Variants in CACNA2D3 observed in about 807,000 individuals in gnomAD.
CACNA2D3 encodes voltage-dependent calcium channel subunit alpha-2/delta-3.
CACNA2D3 carries 60 observed loss-of-function variants against 160.6 expected under a neutral mutation model. The observed-to-expected ratio is 0.37, with a 90% CI of 0.30 to 0.46. CACNA2D3 has a LOEUF of 0.46. Among genes scored for constraint, CACNA2D3 ranks in the 20% least tolerant of loss-of-function variants. The pLI, the probability that CACNA2D3 is intolerant of heterozygous loss-of-function variation, is 1.00. For missense variants in CACNA2D3, 1,205 were observed against 1,365.0 expected (o/e 0.88, Z 1.85); for synonymous variants, 558 against 492.9 (o/e 1.13, Z -1.75).
intron 2 of CACNA2D3, among the ~76,000 whole-genome samples, chr3:54,253,071 A>T (rs942070773): frequency 1.3e-5 from 2 of 148,596 alleles, no homozygotes; most frequent in African/African-American, 4.9e-5. Context: ...GTCCTTTAAT[A>T]TTAAAGATTC....
chr3:54,803,192 G>A (rs905725137), intron 13 of CACNA2D3, among the ~76,000 whole-genome samples: 5 of 152,204 alleles, frequency 3.3e-5, no homozygotes, highest in Non-Finnish European at 5.9e-5. Flanking sequence ...CACCAGCAAC[G>A]GAACAAAGCT....
chr3:54,502,269 C>T (rs980584150), intron 4 of CACNA2D3, among the ~76,000 whole-genome samples: 5 of 152,286 alleles, frequency 3.3e-5, no homozygotes, highest in African/African-American at 4.8e-5. Flanking sequence ...ATATGTTACA[C>T]GTTTTGTGAT....
At chr3:54,275,133 A>C (rs1426903566) in intron 2 of CACNA2D3, among the ~76,000 whole-genome samples, 1 of 152,166 alleles carries the variant, frequency 6.6e-6, no homozygotes, top group Non-Finnish European at 1.5e-5. Context: ...TTATATGTCT[A>C]ATGAGATCGT....
At chr3:54,414,079 A>G (rs1054451526) in intron 4 of CACNA2D3, among the ~76,000 whole-genome samples, 2 of 151,962 alleles carry the variant, frequency 1.3e-5, no homozygotes, top group African/African-American at 2.4e-5. Context: ...AGTTTAAATC[A>G]ATTAAATTTA....
chr3:54,784,173 C>T (rs904314756), intron 13 of CACNA2D3, among the ~76,000 whole-genome samples: 4 of 152,156 alleles, frequency 2.6e-5, no homozygotes, highest in African/African-American at 9.7e-5. Flanking sequence ...GCTTCAAATA[C>T]TCAGTTGAAC....
chr3:54,258,317 G>A (rs1358360374), intron 2 of CACNA2D3, among the ~76,000 whole-genome samples: 2 of 152,178 alleles, frequency 1.3e-5, no homozygotes. Flanking sequence ...TGCCTGCTGT[G>A]TGTAAGCACT....
In CACNA2D3 at chr3:54,713,666, G is replaced by A. The variant is rs148977176; in HGVS notation, c.1168-38933G>A. Among the ~76,000 whole-genome samples, 855 of 152,304 alleles carry A rather than the reference G, an allele frequency of 5.6e-3. 15 individuals carry two copies. Among genetic ancestry groups the A allele is most frequent in the African/African-American group, 0.02 (818 of 41,566 alleles). Reference sequence around the variant, plus strand: ...AAAGTTCACACAACGTAAGTGCTTGGCACAAGGAGGGCCTGGCAGAAACTG... The same window carrying A: ...AAAGTTCACACAACGTAAGTGCTTGACACAAGGAGGGCCTGGCAGAAACTG... On this transcript the variant is annotated intron_variant, in intron 11 of 37. Transcript: ENST00000474759.
intron 17 of CACNA2D3, among the ~76,000 whole-genome samples, chr3:54,864,047 C>T (rs948164767): frequency 2.6e-5 from 4 of 152,036 alleles, no homozygotes; most frequent in South Asian, 2.1e-4. Context: ...ATGTCTATGT[C>T]GTCCCATTGG....
intron 2 of CACNA2D3, among the ~76,000 whole-genome samples, chr3:54,306,239 G>A (rs1703596953): frequency 6.6e-6 from 1 of 152,046 alleles, no homozygotes; most frequent in Admixed American, 6.5e-5. Flanking sequence ...AGGAAGATGT[G>A]GATGAATTGA....
intron 4 of CACNA2D3, among the ~76,000 whole-genome samples, chr3:54,403,394 C>CACAT (rs1400432871): frequency 3.3e-5 from 5 of 151,098 alleles, no homozygotes; most frequent in African/African-American, 1.2e-4. Context: ...CACACACACA[C>CACAT]ACACGCACAC....
chr3:54,970,237 A>G (rs1477218510), intron 29 of CACNA2D3, among the ~76,000 whole-genome samples: 3 of 152,176 alleles, frequency 2.0e-5, no homozygotes, highest in African/African-American at 7.2e-5. Flanking sequence ...CATCTTGCAG[A>G]TAAGAAAAAC....
At chr3:54,144,210 C>T (rs188088790) in intron 2 of CACNA2D3, among the ~76,000 whole-genome samples, 3 of 152,280 alleles carry the variant, frequency 2.0e-5, no homozygotes, top group East Asian at 1.9e-4. Context: ...CATCATTTTC[C>T]GAAATGATTT....
At chr3:54,742,468 C>T (rs1701672106) in intron 11 of CACNA2D3, among the ~76,000 whole-genome samples, 1 of 152,056 alleles carries the variant, frequency 6.6e-6, no homozygotes, top group African/African-American at 2.4e-5. Context: ...TACCCCAAGG[C>T]CTCACAGCTC....
intron 17 of CACNA2D3, among the ~76,000 whole-genome samples, chr3:54,853,587 A>G (rs948253460): frequency 6.6e-6 from 1 of 152,190 alleles, no homozygotes; most frequent in Admixed American, 6.5e-5. Flanking sequence ...TAATGGAGAC[A>G]TAGAAGCAGG....
At chr3:54,801,249 A>C (rs1702980082) in intron 13 of CACNA2D3, among the ~76,000 whole-genome samples, 1 of 152,104 alleles carries the variant, frequency 6.6e-6, no homozygotes, top group Non-Finnish European at 1.5e-5. Context: ...TGGCCTCCCA[A>C]AGTGCTGGGA....
intron 17 of CACNA2D3, among the ~76,000 whole-genome samples, chr3:54,870,746 C>G (rs1699506774): frequency 6.6e-6 from 1 of 152,144 alleles, no homozygotes; most frequent in East Asian, 1.9e-4. Flanking sequence ...GGCTATGATT[C>G]CCAATACCCT....
At chr3:54,700,730 CT>C (rs1329460530) in intron 11 of CACNA2D3, among the ~76,000 whole-genome samples, 1 of 152,144 alleles carries the variant, frequency 6.6e-6, no homozygotes, top group Non-Finnish European at 1.5e-5. Context: ...ATTTAGTTGA[CT>C]TTATCCTATG....
chr3:54,974,680 A>C (rs533909418), intron 29 of CACNA2D3, among the ~76,000 whole-genome samples: 2 of 152,208 alleles, frequency 1.3e-5, no homozygotes, highest in African/African-American at 2.4e-5. Context: ...TAAAACATCA[A>C]CTTCCCTCTG....
intron 11 of CACNA2D3, among the ~76,000 whole-genome samples, chr3:54,731,386 C>T (rs770727737): frequency 5.9e-5 from 9 of 152,162 alleles, no homozygotes; most frequent in Non-Finnish European, 1.3e-4. Context: ...TTCTTCAGAC[C>T]CTCATACATT....
Sources: allele counts gnomAD v4.1 joint callset (sites outside exome capture counted in the v4.1 genomes callset), GRCh38; gene constraint gnomAD v4.1.1; transcripts MANE v1.5; gene names NCBI Gene and HGNC (gene_info 2026-07-23, HGNC 2026-07-21).